The following RBM19 variants were observed in gnomAD, a reference collection of about 807,000 sequenced individuals.
RBM19 encodes the protein probable RNA-binding protein 19.
In RBM19, 94 loss-of-function variants were observed where a neutral mutation model predicts 116.8. The observed-to-expected ratio is 0.80, with a 90% CI of 0.68 to 0.95. RBM19 has a LOEUF of 0.95. Among genes scored for constraint, RBM19 ranks in the 40% least tolerant of loss-of-function variants. The probability of loss-of-function intolerance (pLI) is 0.00; values close to 1 mark genes in which losing one functional copy is unlikely to be tolerated. For missense variants in RBM19, 1,161 were observed against 1,220.7 expected, an observed-to-expected ratio of 0.95 and a Z score of 0.73; for synonymous variants, 475 against 494.1, an observed-to-expected ratio of 0.96 and a Z score of 0.51.
At chr12:113,835,487 G>A (rs1376509677) in intron 23 of RBM19, among the ~76,000 whole-genome samples, 3 of 152,212 alleles carry the variant, frequency 2.0e-5, no homozygotes, top group African/African-American at 7.2e-5. Context: ...AAAAGGAGAG[G>A]TGTGGGGGAA....
rs751163921 is a variant in RBM19 at position 113,962,395 on chromosome 12, C to A, written c.56G>T (p.Arg19Met). The A allele has an allele frequency of 1.9e-5, 30 of 1,613,854 alleles. No homozygotes were observed. Among genetic ancestry groups the A allele is most frequent in the Non-Finnish European group, 2.5e-5 (30 of 1,179,714 alleles). ...CGTGCCGAAGGCGGCAAACAGCTGCCTGAAACGCTCCTCCTTCATCTAGGA... is the reference window on the plus strand; with the variant it reads ...CGTGCCGAAGGCGGCAAACAGCTGCATGAAACGCTCCTCCTTCATCTAGGA... Reference protein sequence around the residue: ...LPNGMKEERFRQLFAAFGTLT... With the variant: ...LPNGMKEERFMQLFAAFGTLT... The change falls in exon 2 of 24, where the codon AGG (arginine) becomes ATG (methionine). Residue 19 changes from arginine (R) to methionine (M), a missense_variant. Transcript: ENST00000261741.
At chr12:113,954,466 G>A (rs1450296145) in intron 7 of RBM19, among the ~76,000 whole-genome samples, 3 of 152,308 alleles carry the variant, frequency 2.0e-5, no homozygotes, top group African/African-American at 4.8e-5. Context: ...ATTTGGAGTC[G>A]TTAGACCTGC....
intron 21 of RBM19, among the ~76,000 whole-genome samples, chr12:113,872,075 G>A (rs1423823882): frequency 2.0e-5 from 3 of 147,484 alleles, no homozygotes; most frequent in Admixed American, 2.0e-4. Flanking sequence ...CATCTAGGAA[G>A]TGAGGAGCGC....
intron 18 of RBM19, among the ~76,000 whole-genome samples, chr12:113,924,144 C>T (rs192007549): frequency 3.6e-4 from 55 of 152,286 alleles, no homozygotes; most frequent in Admixed American, 1.2e-3. Context: ...CACCCAGGGC[C>T]GAATGGAGAG....
intron 6 of RBM19, among the ~76,000 whole-genome samples, chr12:113,956,167 G>T (rs1018106410): frequency 6.6e-6 from 1 of 152,014 alleles, no homozygotes; most frequent in Non-Finnish European, 1.5e-5. Context: ...ATACAATTTT[G>T]GGGGGGAAGA....
intron 21 of RBM19, among the ~76,000 whole-genome samples, chr12:113,891,013 G>A (rs1880928476): frequency 1.3e-5 from 2 of 151,456 alleles, no homozygotes; most frequent in South Asian, 4.2e-4. Flanking sequence ...ATGTTGGCCA[G>A]GCTGGTCTCA....
At chr12:113,955,611 A>G (rs1871866510) in intron 6 of RBM19, among the ~76,000 whole-genome samples, 1 of 152,102 alleles carries the variant, frequency 6.6e-6, no homozygotes, top group African/African-American at 2.4e-5. Context: ...CTTCACAACA[A>G]TCCCATGGGG....
At chr12:113,908,573 C>CAAAAAAAAAAAAAA (rs11338829) in intron 21 of RBM19, among the ~76,000 whole-genome samples, 4 of 33,224 alleles carry the variant, frequency 1.2e-4, no homozygotes, top group Non-Finnish European at 1.7e-4. Flanking sequence ...AAGAAAATAG[C>CAAAAAAAAAAAAAA]AAAAAAAAAA....
At chr12:113,928,830 C>G (rs1869358192) in intron 16 of RBM19, among the ~76,000 whole-genome samples, 1 of 152,066 alleles carries the variant, frequency 6.6e-6, no homozygotes, top group African/African-American at 2.4e-5. Flanking sequence ...TCGTTTCAAG[C>G]TCCCCAATTT....
rs1273115989 is a variant in RBM19, at chr12:113,927,109, C to T, written c.2189G>A (p.Cys730Tyr). 4 of 1,613,496 alleles carry T rather than the reference C, an allele frequency of 2.5e-6. No homozygotes were observed. The highest frequency in any genetic ancestry group is 2.7e-5 in the African/African-American group (2 of 74,918). ...ATTGAGATTCTTAATAAACAGAGTACATCCTGGGAGGCTCTCTTCTTCTTC... is the reference window on the plus strand; with the variant it reads ...ATTGAGATTCTTAATAAACAGAGTATATCCTGGGAGGCTCTCTTCTTCTTC... The part of the protein sequence containing the change: ...EEEEEESLPG[C>Y]TLFIKNLNFD... Residue 730 changes from cysteine (C) to tyrosine (Y), a missense_variant, in exon 17 of 24, where the codon TGT becomes TAT. Coordinates refer to ENST00000261741, the MANE Select transcript of RBM19 (RefSeq NM_016196.4).
At chr12:113,826,893 A>T (rs1036932231) in intron 23 of RBM19, among the ~76,000 whole-genome samples, 3 of 152,136 alleles carry the variant, frequency 2.0e-5, no homozygotes, top group African/African-American at 4.8e-5. Flanking sequence ...GAACCAAAAC[A>T]TCTCATTCCT....
intron 21 of RBM19, among the ~76,000 whole-genome samples, chr12:113,891,652 A>C (rs1262023265): frequency 2.6e-5 from 4 of 152,214 alleles, no homozygotes. Flanking sequence ...AGGCCCTTAA[A>C]AAAAATTCAC....
chr12:113,936,939 T>G (rs1322144175), intron 16 of RBM19, 68 bp downstream of exon 16: 3 of 1,560,128 alleles, frequency 1.9e-6, no homozygotes, highest in Non-Finnish European at 2.6e-6. Flanking sequence ...AACTTCACGC[T>G]GCCCCCAACC....
chr12:113,836,381 G>A (rs895027544), intron 23 of RBM19, among the ~76,000 whole-genome samples: 2 of 152,142 alleles, frequency 1.3e-5, no homozygotes, highest in Admixed American at 6.5e-5. Context: ...GACTTTCAAA[G>A]CCCTGTCCTT....
intron 9 of RBM19, among the ~76,000 whole-genome samples, chr12:113,949,747 T>TGAG (rs1400987500): frequency 2.0e-5 from 3 of 152,180 alleles, no homozygotes; most frequent in African/African-American, 7.2e-5. Context: ...CACCCCTCGG[T>TGAG]GAGGCCAAAG....
intron 13 of RBM19, among the ~76,000 whole-genome samples, chr12:113,942,774 C>A (rs1593626097): frequency 6.6e-6 from 1 of 152,188 alleles, no homozygotes; most frequent in East Asian, 1.9e-4. Context: ...CCACTTCCAG[C>A]TCATTTTTAT....
chr12:113,946,362 G>A lies in RBM19; in HGVS notation c.1521C>T (p.Asn507=), dbSNP rs1288653331. Residue 507 remains asparagine, a synonymous_variant, in exon 12 of 24, where the codon AAC becomes AAT. Coordinates refer to ENST00000261741, the MANE Select transcript of RBM19 (RefSeq NM_016196.4). ...KKKKEAQDKA[N]SASSHNWNTL... Reference sequence around the variant, plus strand: ...TCAGGGGCACTGAGGACCTGGCACTGTTGGCTTTGTCCTGGGCCTCCTTCT... The same window carrying A: ...TCAGGGGCACTGAGGACCTGGCACTATTGGCTTTGTCCTGGGCCTCCTTCT... 2 of 1,614,010 alleles carry A rather than the reference G, an allele frequency of 1.2e-6. No homozygotes were observed. The highest frequency in any genetic ancestry group is 1.7e-6 in the Non-Finnish European group (2 of 1,180,024).
intron 21 of RBM19, among the ~76,000 whole-genome samples, chr12:113,884,835 G>C (rs527554546): frequency 6.6e-6 from 1 of 152,202 alleles, no homozygotes; most frequent in East Asian, 1.9e-4. Flanking sequence ...TGGTCAAATT[G>C]GGGACAATTT....
At chr12:113,877,426 G>T (rs538623160) in intron 21 of RBM19, among the ~76,000 whole-genome samples, 2 of 152,340 alleles carry the variant, frequency 1.3e-5, no homozygotes, top group East Asian at 3.9e-4. Flanking sequence ...GGCCCATGAG[G>T]TGTGAGCAGA....
Sources: allele counts gnomAD v4.1 joint callset (sites outside exome capture counted in the v4.1 genomes callset), GRCh38; gene constraint gnomAD v4.1.1; transcripts MANE v1.5; gene names NCBI Gene and HGNC (gene_info 2026-07-23, HGNC 2026-07-21).